NKAIN3: variants seen among roughly 807,000 people sequenced by gnomAD.
NKAIN3 encodes the protein sodium/potassium transporting ATPase interacting 3, also known as sodium/potassium-transporting ATPase subunit beta-1-interacting protein 3.
A neutral mutation model predicts 30.2 loss-of-function variants in NKAIN3; 25 were observed. That is an observed-to-expected ratio of 0.83 (90% CI 0.60 to 1.16). The LOEUF (loss-of-function observed/expected upper bound fraction) is 1.16. NKAIN3 is among the 50% of genes most tolerant of loss of function. NKAIN3 has a pLI of 0.00. For synonymous variants in NKAIN3, 91 were observed against 89.6 expected (o/e 1.02, Z -0.09); for missense variants, 225 against 254.1 (o/e 0.89, Z 0.78).
intron 4 of NKAIN3, among the ~76,000 whole-genome samples, chr8:62,800,973 C>G (rs1230222125): frequency 6.7e-6 from 1 of 149,852 alleles, no homozygotes; most frequent in African/African-American, 2.5e-5. Context: ...TATCCTGCAC[C>G]TGGCTCGGAG....
At chr8:62,713,960 A>G (rs1814809650) in intron 3 of NKAIN3, among the ~76,000 whole-genome samples, 1 of 152,188 alleles carries the variant, frequency 6.6e-6, no homozygotes, top group Non-Finnish European at 1.5e-5. Flanking sequence ...GATCAGATTC[A>G]ATTTATCCAG....
At chr8:62,677,568 G>C (rs1226246256) in intron 3 of NKAIN3, among the ~76,000 whole-genome samples, 1 of 152,050 alleles carries the variant, frequency 6.6e-6, no homozygotes, top group Non-Finnish European at 1.5e-5. Flanking sequence ...GTGTCCTCAG[G>C]GTCCACTTGA....
At chr8:62,909,185 A>G (rs1387528560) in intron 4 of NKAIN3, among the ~76,000 whole-genome samples, 5 of 152,226 alleles carry the variant, frequency 3.3e-5, no homozygotes, top group Admixed American at 1.3e-4. Context: ...CAATTCTTAT[A>G]CAAGGCCTGC....
intron 3 of NKAIN3, among the ~76,000 whole-genome samples, chr8:62,599,465 C>A (rs1255300455): frequency 6.6e-6 from 1 of 152,036 alleles, no homozygotes; most frequent in Non-Finnish European, 1.5e-5. Flanking sequence ...TAAATAATAC[C>A]TATGCAGGGC....
intron 1 of NKAIN3, among the ~76,000 whole-genome samples, chr8:62,330,984 T>TTCTC (rs1195558985): frequency 1.3e-5 from 2 of 149,970 alleles, no homozygotes; most frequent in East Asian, 4.0e-4. Context: ...ATCTCTAGAC[T>TTCTC]TCTCTCTCTC....
intron 1 of NKAIN3, among the ~76,000 whole-genome samples, chr8:62,552,665 C>G (rs1258350024): frequency 6.6e-6 from 1 of 152,178 alleles, no homozygotes; most frequent in Admixed American, 6.5e-5. Flanking sequence ...AGTATGTACA[C>G]TTTCAGTTGC....
At chr8:62,599,594 GA>G (rs747515771) in intron 3 of NKAIN3, among the ~76,000 whole-genome samples, 1 of 151,954 alleles carries the variant, frequency 6.6e-6, no homozygotes, top group Non-Finnish European at 1.5e-5. Flanking sequence ...TCCTCATCCT[GA>G]AAACCTTTGG....
chr8:62,262,918 T>G (rs1812488934), intron 1 of NKAIN3, among the ~76,000 whole-genome samples: 1 of 152,178 alleles, frequency 6.6e-6, no homozygotes, highest in East Asian at 1.9e-4. Context: ...AGGTTTTGAT[T>G]AAAGATATAA....
intron 1 of NKAIN3, among the ~76,000 whole-genome samples, chr8:62,354,347 C>G (rs1171520819): frequency 2.0e-5 from 3 of 152,114 alleles, no homozygotes; most frequent in African/African-American, 7.2e-5. Context: ...AGATTTTAGG[C>G]TATTTGCAAA....
intron 1 of NKAIN3, among the ~76,000 whole-genome samples, chr8:62,569,546 T>C (rs1390455246): frequency 6.6e-6 from 1 of 151,958 alleles, no homozygotes; most frequent in Non-Finnish European, 1.5e-5. Flanking sequence ...GAGGCTGAGT[T>C]GGGCAGATTA....
chr8:62,941,736 C>T (rs991674363), intron 5 of NKAIN3, among the ~76,000 whole-genome samples: 9 of 151,998 alleles, frequency 5.9e-5, no homozygotes, highest in South Asian at 2.1e-4. Context: ...AAACTCTCAG[C>T]GAAATTGGCA....
At chr8:62,374,189 A>T (rs137972560) in intron 1 of NKAIN3, among the ~76,000 whole-genome samples, 132 of 151,932 alleles carry the variant, frequency 8.7e-4, no homozygotes, top group African/African-American at 2.9e-3. Flanking sequence ...ATACTTCTTG[A>T]CTTCAGAAAG....
chr8:62,594,307 A>G (rs1043539077), intron 3 of NKAIN3, among the ~76,000 whole-genome samples: 1 of 152,050 alleles, frequency 6.6e-6, no homozygotes, highest in Non-Finnish European at 1.5e-5. Context: ...CAAGAATTAA[A>G]TTGACATCTA....
intron 1 of NKAIN3, among the ~76,000 whole-genome samples, chr8:62,333,074 G>C (rs867722495): frequency 7.2e-5 from 11 of 152,098 alleles, no homozygotes; most frequent in South Asian, 4.1e-4. Flanking sequence ...GCACAAACTA[G>C]TACTTTAAAA....
intron 1 of NKAIN3, among the ~76,000 whole-genome samples, chr8:62,317,288 G>A (rs138110220): frequency 0.015 from 2,266 of 152,060 alleles, 50 homozygotes; most frequent in African/African-American, 0.049. Context: ...ATTAGATCCC[G>A]TTTGTCAATT....
At chr8:62,492,420 T>G (rs1419801554) in intron 1 of NKAIN3, among the ~76,000 whole-genome samples, 1 of 152,116 alleles carries the variant, frequency 6.6e-6, no homozygotes, top group Non-Finnish European at 1.5e-5. Flanking sequence ...GAGTCTTCTT[T>G]GGTCCTAATT....
chr8:62,653,087 CTG>C (rs1336411047), intron 3 of NKAIN3, among the ~76,000 whole-genome samples: 1 of 152,126 alleles, frequency 6.6e-6, no homozygotes, highest in Non-Finnish European at 1.5e-5. Context: ...AGATTCTTCT[CTG>C]TGTTGGGTAC....
intron 1 of NKAIN3, among the ~76,000 whole-genome samples, chr8:62,423,749 G>A (rs527783317): frequency 3.4e-4 from 52 of 151,922 alleles, no homozygotes; most frequent in Non-Finnish European, 6.3e-4. Flanking sequence ...TTCTCTAAAG[G>A]GGATTTCTCA....
chr8:62,739,823 T>C (rs2130566086), intron 3 of NKAIN3, among the ~76,000 whole-genome samples: 1 of 152,220 alleles, frequency 6.6e-6, no homozygotes, highest in East Asian at 1.9e-4. Flanking sequence ...ATCAAAATGA[T>C]CAGTGGCCAC....
Sources: allele counts gnomAD v4.1 joint callset (sites outside exome capture counted in the v4.1 genomes callset), GRCh38; gene constraint gnomAD v4.1.1; transcripts MANE v1.5; gene names NCBI Gene and HGNC (gene_info 2026-07-23, HGNC 2026-07-21).